TXNDC16: variants seen among roughly 807,000 people sequenced by gnomAD.
TXNDC16 encodes the protein thioredoxin domain containing 16.
TXNDC16 carries 74 observed loss-of-function variants against 85.6 expected under a neutral mutation model. That is an observed-to-expected ratio of 0.86 (90% CI 0.72 to 1.05). TXNDC16 has a LOEUF of 1.05. Among genes scored for constraint, TXNDC16 ranks in the 50% least tolerant of loss-of-function variants. The pLI, the probability that TXNDC16 is intolerant of heterozygous loss-of-function variation, is 0.00. For synonymous variants in TXNDC16, 335 were observed against 326.5 expected (o/e 1.03, Z -0.28); for missense variants, 959 against 947.0 (o/e 1.01, Z -0.17).
intron 9 of TXNDC16, among the ~76,000 whole-genome samples, chr14:52,498,164 C>T (rs568941911): frequency 3.9e-4 from 60 of 152,166 alleles, no homozygotes; most frequent in African/African-American, 1.4e-3. Context: ...TATTAAACAG[C>T]ATAAATGAAA....
chr14:52,514,779 G>T (rs1272839184), intron 8 of TXNDC16, 101 bp downstream of exon 8: 4 of 806,944 alleles, frequency 5.0e-6, no homozygotes, highest in Non-Finnish European at 6.0e-6. Context: ...CTTTATCTAA[G>T]CCCATGCTGT....
chr14:52,518,912 A>C (rs2037145614), intron 7 of TXNDC16, among the ~76,000 whole-genome samples: 1 of 152,088 alleles, frequency 6.6e-6, no homozygotes, highest in Non-Finnish European at 1.5e-5. Context: ...TCCCCATCTT[A>C]ATCACTAGGA....
chr14:52,522,619 T>C (rs1021503625), intron 6 of TXNDC16, among the ~76,000 whole-genome samples: 2 of 152,212 alleles, frequency 1.3e-5, no homozygotes, highest in Non-Finnish European at 2.9e-5. Context: ...ATGCAGGTAG[T>C]GCAAGCTGTA....
intron 9 of TXNDC16, among the ~76,000 whole-genome samples, chr14:52,505,829 G>C (rs1485032837): frequency 2.6e-5 from 4 of 151,984 alleles, no homozygotes; most frequent in African/African-American, 7.3e-5. Context: ...CCGCTAGCAA[G>C]ACTAATAAAG....
intron 1 of TXNDC16, among the ~76,000 whole-genome samples, chr14:52,546,658 G>A (rs1394256167): frequency 1.3e-5 from 2 of 152,200 alleles, no homozygotes; most frequent in Non-Finnish European, 2.9e-5. Flanking sequence ...AGAACTCCCA[G>A]CTAATGTGTA....
intron 16 of TXNDC16, among the ~76,000 whole-genome samples, chr14:52,462,087 C>T (rs1292090091): frequency 1.3e-5 from 2 of 152,208 alleles, no homozygotes; most frequent in Admixed American, 1.3e-4. Context: ...AAATATCACA[C>T]ATACATAACA....
At chr14:52,545,586 T>C (rs764343686) in intron 1 of TXNDC16, among the ~76,000 whole-genome samples, 52 of 151,850 alleles carry the variant, frequency 3.4e-4, no homozygotes, top group Non-Finnish European at 5.7e-4. Flanking sequence ...AGATAGAAAA[T>C]AAGGAAACAT....
intron 9 of TXNDC16, among the ~76,000 whole-genome samples, chr14:52,505,812 T>C (rs1278897083): frequency 6.6e-6 from 1 of 151,652 alleles, no homozygotes; most frequent in Non-Finnish European, 1.5e-5. Flanking sequence ...TCAACAAAAC[T>C]GATAGACCGC....
chr14:52,454,324 G>A (rs2035478766), intron 18 of TXNDC16, among the ~76,000 whole-genome samples: 1 of 151,594 alleles, frequency 6.6e-6, no homozygotes, highest in South Asian at 2.1e-4. Flanking sequence ...TACTTGGGAA[G>A]CTGAAGCAAG....
intron 12 of TXNDC16, among the ~76,000 whole-genome samples, chr14:52,486,467 G>C (rs996359326): frequency 2.6e-5 from 4 of 151,872 alleles, no homozygotes; most frequent in African/African-American, 9.7e-5. Flanking sequence ...ATTTTTTGTA[G>C]TGATGGGGTT....
chr14:52,530,265 T>TA (rs1566581907), intron 6 of TXNDC16, among the ~76,000 whole-genome samples: 3 of 52,798 alleles, frequency 5.7e-5, no homozygotes, highest in Non-Finnish European at 8.7e-5. Flanking sequence ...TTATATAATA[T>TA]ATATTATTAT....
chr14:52,529,166 T>C (rs1385763108), intron 6 of TXNDC16, among the ~76,000 whole-genome samples: 2 of 151,214 alleles, frequency 1.3e-5, no homozygotes, highest in Non-Finnish European at 2.9e-5. Context: ...GATGAGTTCA[T>C]GTCCTCTGTA....
chr14:52,481,268 T>G (rs1341563195), intron 14 of TXNDC16, among the ~76,000 whole-genome samples: 2 of 151,570 alleles, frequency 1.3e-5, no homozygotes, highest in African/African-American at 4.8e-5. Flanking sequence ...AGGTGATGAG[T>G]GCACCAATAT....
chr14:52,447,899 C>CTA (rs746141887), intron 18 of TXNDC16, among the ~76,000 whole-genome samples: 2 of 151,618 alleles, frequency 1.3e-5, no homozygotes, highest in African/African-American at 2.4e-5. Flanking sequence ...ACTAAACTAA[C>CTA]ATATGTAGAA....
At chr14:52,441,649 G>A (rs2035168789) in intron 18 of TXNDC16, among the ~76,000 whole-genome samples, 1 of 151,598 alleles carries the variant, frequency 6.6e-6, no homozygotes, top group Admixed American at 6.6e-5. Context: ...AAGATAAGGA[G>A]GTAATCATTC....
intron 7 of TXNDC16, among the ~76,000 whole-genome samples, chr14:52,517,230 G>GT (rs2037104927): frequency 6.6e-6 from 1 of 151,852 alleles, no homozygotes; most frequent in Non-Finnish European, 1.5e-5. Context: ...TCCCTGCCCC[G>GT]TTTTTTAGGC....
At chr14:52,459,763 T>C (rs759427398) in intron 16 of TXNDC16, among the ~76,000 whole-genome samples, 14 of 152,140 alleles carry the variant, frequency 9.2e-5, no homozygotes, top group Non-Finnish European at 1.8e-4. Context: ...TAGTTCAACA[T>C]ATGCAAATCA....
chr14:52,502,252 T>A (rs576842524), intron 9 of TXNDC16, among the ~76,000 whole-genome samples: 17 of 152,282 alleles, frequency 1.1e-4, no homozygotes, highest in Admixed American at 3.9e-4. Flanking sequence ...CCTAGTTGTC[T>A]AGGAAAAAAA....
intron 16 of TXNDC16, among the ~76,000 whole-genome samples, chr14:52,460,440 T>C (rs747050993): frequency 6.6e-6 from 1 of 152,206 alleles, no homozygotes; most frequent in African/African-American, 2.4e-5. Flanking sequence ...AAAAATCGTA[T>C]GAAAGTCAAA....
Sources: gnomAD v4.1 joint callset for allele counts (sites outside exome capture counted in the v4.1 genomes callset) on GRCh38, gnomAD v4.1.1 for gene constraint, MANE v1.5 for transcripts, NCBI Gene and HGNC (gene_info 2026-07-23, HGNC 2026-07-21) for gene names.